RNF111: variants seen among roughly 807,000 people sequenced by gnomAD.
RNF111 encodes the protein E3 ubiquitin-protein ligase Arkadia.
Under a neutral mutation model 95.1 loss-of-function variants are expected in RNF111, and 17 were observed. The ratio of observed to expected loss-of-function variants is 0.18; its 90% confidence interval spans 0.12 to 0.27. The LOEUF (loss-of-function observed/expected upper bound fraction) is 0.27, where lower values mean the gene tolerates loss of function less well. Ranked by LOEUF, RNF111 falls within the 10% of genes least tolerant of loss-of-function variation. The pLI is 1.00. For missense variants in RNF111, 1,189 were observed against 1,210.4 expected (o/e 0.98, Z 0.26); for synonymous variants, 440 against 414.8 (o/e 1.06, Z -0.74).
At chr15:59,092,513 G>T (rs958745031) in intron 12 of RNF111, 24 bp from the exon 13 acceptor site, 3 of 1,605,454 alleles carry the variant, frequency 1.9e-6, no homozygotes, top group East Asian at 2.3e-5. Context: ...TACTAATAAG[G>T]TAACAACTGA....
At chr15:58,995,349 T>G (rs1258948074) in intron 1 of RNF111, among the ~76,000 whole-genome samples, 1 of 152,256 alleles carries the variant, frequency 6.6e-6, no homozygotes, top group Non-Finnish European at 1.5e-5. Flanking sequence ...TTTCCTGTTT[T>G]ATTCAGTGGG....
chr15:59,096,269 G>C lies in RNF111; in HGVS notation c.*1369G>C, dbSNP rs1209083234. On this transcript the variant is annotated 3_prime_UTR_variant, in exon 14 of 14. Transcript: ENST00000348370. ...AGCCTAATTTTATTTGTTTAAATAT[G>C]CTTAATATGCCCCAGATTGCAAATG... The C allele has an allele frequency of 2.6e-6, 1 of 387,840 alleles. No homozygotes were observed. Among genetic ancestry groups the C allele is most frequent in the Non-Finnish European group, 4.6e-6 (1 of 219,626 alleles). The allele number at this position is 387,840 out of a possible 1,614,324, so 24.0% of individuals were successfully genotyped here. A position where few individuals can be genotyped will look rare whatever the true frequency, so the allele number is the denominator to read the frequency against.
In RNF111 at chr15:59,016,175, GT is replaced by G. The variant is rs1333638545; in HGVS notation, c.-19-14617del. On this transcript the variant is annotated intron_variant, in intron 1 of 13. Transcript: ENST00000348370. ...AAATATATATATGTATATATATATA[GT>G]TTTTTTTTTTTAGAGATAGAGTCTT... is the stretch of plus-strand genomic sequence containing the variant. 5.0e-3 allele frequency among the ~76,000 whole-genome samples: 711 copies of G among 142,430 alleles called. 3 individuals carry two copies. Among genetic ancestry groups the G allele is most frequent in the African/African-American group, 0.013 (495 of 39,310 alleles). The allele number at this position is 142,430 out of a possible 152,430, so 93.4% of individuals were successfully genotyped here. A position where few individuals can be genotyped will look rare whatever the true frequency, so the allele number is the denominator to read the frequency against.
intron 6 of RNF111, among the ~76,000 whole-genome samples, chr15:59,068,203 G>A (rs867954790): frequency 1.3e-5 from 2 of 152,118 alleles, no homozygotes; most frequent in Admixed American, 1.3e-4. Context: ...CTGGGCGACA[G>A]AGTGAGATGC....
At chr15:59,006,872 C>T (rs1044672382) in intron 1 of RNF111, among the ~76,000 whole-genome samples, 1 of 152,112 alleles carries the variant, frequency 6.6e-6, no homozygotes, top group African/African-American at 2.4e-5. Context: ...CTGCAACCTC[C>T]GCCTCCCGGG....
At chr15:59,001,151 G>A (rs531263938) in intron 1 of RNF111, among the ~76,000 whole-genome samples, 1 of 152,278 alleles carries the variant, frequency 6.6e-6, no homozygotes, top group South Asian at 2.1e-4. Context: ...GAGCATTCAA[G>A]GCAGCGTGAC....
At chr15:59,076,950 A>G (rs1259881565) in intron 7 of RNF111, among the ~76,000 whole-genome samples, 1 of 152,190 alleles carries the variant, frequency 6.6e-6, no homozygotes, top group Non-Finnish European at 1.5e-5. Flanking sequence ...TTTCACTTAC[A>G]TATCTTCTTG....
At chr15:59,093,339 T>TC (rs2079106599) in intron 13 of RNF111, 8 of 214,080 alleles carry the variant, frequency 3.7e-5, no homozygotes, top group South Asian at 3.5e-4. Flanking sequence ...TACAGCATCT[T>TC]TTTTTTTTTT....
intron 1 of RNF111, among the ~76,000 whole-genome samples, chr15:59,007,402 A>C (rs890966114): frequency 6.6e-6 from 1 of 152,172 alleles, no homozygotes; most frequent in Non-Finnish European, 1.5e-5. Flanking sequence ...TACATGTATC[A>C]GTAGTTCCTT....
At chr15:59,091,409 A>T (rs1333047349) in intron 12 of RNF111, among the ~76,000 whole-genome samples, 1 of 152,228 alleles carries the variant, frequency 6.6e-6, no homozygotes, top group East Asian at 1.9e-4. Context: ...AGCATTTTCT[A>T]ATAATGTGCA....
At position 59,076,198 on chromosome 15, in the gene RNF111, A is replaced by G. The variant is rs371013274; in HGVS notation, c.1931A>G (p.His644Arg). ...PPQPSLSSCR[H>R]YMPPPYASLT... is the part of the protein sequence containing the mutation. ...CAGCCCTCTCTCTCATCATGTCGAC[A>G]TTACATGCCACCCCCTTGTAAGTAT... Residue 644 changes from histidine (H) to arginine (R), a missense_variant, in exon 7 of 14, where the codon CAT (histidine) becomes CGT (arginine). Coordinates refer to ENST00000348370, the MANE Select transcript of RNF111 (RefSeq NM_017610.8). The G allele has an allele frequency of 1.9e-6, 3 of 1,613,476 alleles. No homozygotes were observed. Among genetic ancestry groups the G allele is most frequent in the South Asian group, 1.1e-5 (1 of 91,078 alleles).
At chr15:59,062,974 T>C (rs1785682138) in intron 5 of RNF111, among the ~76,000 whole-genome samples, 1 of 152,152 alleles carries the variant, frequency 6.6e-6, no homozygotes, top group Non-Finnish European at 1.5e-5. Context: ...ACCAAAAATG[T>C]CTGCAGGCAT....
chr15:59,003,044 A>C (rs551029856), intron 1 of RNF111, among the ~76,000 whole-genome samples: 13 of 152,292 alleles, frequency 8.5e-5, no homozygotes, highest in African/African-American at 2.9e-4. Flanking sequence ...GCAGTTGGCT[A>C]TTCACAGGTG....
intron 1 of RNF111, among the ~76,000 whole-genome samples, chr15:58,989,944 C>T (rs1355409182): frequency 6.6e-6 from 1 of 151,638 alleles, no homozygotes; most frequent in Non-Finnish European, 1.5e-5. Flanking sequence ...CTTATGTGCC[C>T]TTCTTTTGAC....
At chr15:58,995,251 A>G (rs1435409314) in intron 1 of RNF111, among the ~76,000 whole-genome samples, 1 of 152,086 alleles carries the variant, frequency 6.6e-6, no homozygotes, top group African/African-American at 2.4e-5. Flanking sequence ...GAAAGTGTTT[A>G]TTTTGTAACT....
chr15:59,066,539 G>A (rs2042663292), intron 5 of RNF111, among the ~76,000 whole-genome samples: 1 of 152,118 alleles, frequency 6.6e-6, no homozygotes, highest in Non-Finnish European at 1.5e-5. Flanking sequence ...GAACCCAGGA[G>A]GCGGAGGTTT....
intron 1 of RNF111, among the ~76,000 whole-genome samples, chr15:58,990,090 A>G (rs78617576): frequency 0.092 from 14,069 of 152,216 alleles, 822 homozygotes; most frequent in African/African-American, 0.17. Context: ...ATATAGGGCT[A>G]AGGACAGGAG....
At position 59,008,790 on chromosome 15, in the gene RNF111, T is replaced by A. The variant is rs760329795; in HGVS notation, c.-20+20722T>A. On this transcript the variant is annotated intron_variant, in intron 1 of 13. Transcript: ENST00000348370. Reference sequence around the variant, plus strand: ...TTATCACCACTTTTGGCTTATACTTTAAAAAAAATCTTTTGTGGTTCTTTT... The same window carrying A: ...TTATCACCACTTTTGGCTTATACTTAAAAAAAAATCTTTTGTGGTTCTTTT... Among the ~76,000 whole-genome samples the A allele has an allele frequency of 6.6e-4, 100 of 152,126 alleles. 2 individuals carry two copies. Among genetic ancestry groups the A allele is most frequent in the Middle Eastern group, 6.8e-3 (2 of 294 alleles).
intron 6 of RNF111, among the ~76,000 whole-genome samples, chr15:59,074,547 A>G (rs1231813586): frequency 6.6e-6 from 1 of 152,190 alleles, no homozygotes; most frequent in African/African-American, 2.4e-5. Context: ...TTTCTTCTGC[A>G]GCCTCCTTGC....
Sources: allele counts gnomAD v4.1 joint callset (sites outside exome capture counted in the v4.1 genomes callset), GRCh38; gene constraint gnomAD v4.1.1; transcripts MANE v1.5; gene names NCBI Gene and HGNC (gene_info 2026-07-23, HGNC 2026-07-21).